Variants in AGBL1 observed in about 807,000 individuals in gnomAD.
The protein encoded by AGBL1 is AGBL carboxypeptidase 1.
In AGBL1, 130 loss-of-function variants were observed where a neutral mutation model predicts 118.9. The observed-to-expected ratio is 1.09, with a 90% CI of 0.95 to 1.26. The LOEUF is 1.26. AGBL1 is among the 50% of genes most tolerant of loss of function. The pLI, the probability that AGBL1 is intolerant of heterozygous loss-of-function variation, is 0.00. For synonymous variants in AGBL1, 555 were observed against 478.9 expected, an observed-to-expected ratio of 1.16 and a Z score of -2.08; for missense variants, 1,584 against 1,298.1, an observed-to-expected ratio of 1.22 and a Z score of -3.38.
chr15:86,100,217 G>A (rs1423152594), intron 1 of AGBL1, among the ~76,000 whole-genome samples: 2 of 152,074 alleles, frequency 1.3e-5, no homozygotes, highest in African/African-American at 4.8e-5. Flanking sequence ...TTTTTATGAT[G>A]CATGTTAGAT....
chr15:86,917,922 A>G (rs1182707466), downstream of AGBL1, among the ~76,000 whole-genome samples: 1 of 152,010 alleles, frequency 6.6e-6, no homozygotes, highest in Non-Finnish European at 1.5e-5. The surrounding 1 kb of genome is among the most constrained non-coding windows in gnomAD (Gnocchi z 4.8). Flanking sequence ...GTGGGATCTC[A>G]TTTCACTCCA....
chr15:86,350,753 C>A (rs1034827038), intron 17 of AGBL1, among the ~76,000 whole-genome samples: 1 of 152,148 alleles, frequency 6.6e-6, no homozygotes, highest in Non-Finnish European at 1.5e-5. Context: ...CTGGAAAACA[C>A]GTCAGGATAT....
chr15:87,005,591 C>G (rs1200708332), intron 24 of AGBL1, among the ~76,000 whole-genome samples: 2 of 152,106 alleles, frequency 1.3e-5, no homozygotes, highest in Admixed American at 1.3e-4. Flanking sequence ...AGCCATTTGT[C>G]TAATCTTTTT....
chr15:86,719,668 A>T (rs957528224), intron 22 of AGBL1, among the ~76,000 whole-genome samples: 2 of 151,316 alleles, frequency 1.3e-5, no homozygotes, highest in Admixed American at 1.3e-4. Flanking sequence ...TTTCCTTTTT[A>T]TCCTCAATTA....
chr15:86,636,917 C>CT (rs2085106853), intron 21 of AGBL1, among the ~76,000 whole-genome samples: 2 of 150,874 alleles, frequency 1.3e-5, no homozygotes, highest in Admixed American at 1.3e-4. Context: ...TCTTGCTGGA[C>CT]TTAAGGTGGA....
chr15:86,668,092 A>G (rs1288721181), intron 21 of AGBL1, among the ~76,000 whole-genome samples: 1 of 152,090 alleles, frequency 6.6e-6, no homozygotes, highest in Non-Finnish European at 1.5e-5. Flanking sequence ...CTGAACTAAC[A>G]ATTCACTCGT....
At chr15:86,727,899 G>T (rs1246616543) in intron 22 of AGBL1, among the ~76,000 whole-genome samples, 2 of 152,200 alleles carry the variant, frequency 1.3e-5, no homozygotes, top group Non-Finnish European at 2.9e-5. Flanking sequence ...AAGAACAGGT[G>T]CAGTTAAGAT....
chr15:86,743,899 T>C (rs1013164853), intron 22 of AGBL1, among the ~76,000 whole-genome samples: 6 of 152,040 alleles, frequency 3.9e-5, no homozygotes, highest in African/African-American at 1.4e-4. Context: ...CTACACACAA[T>C]CTTTATTTTT....
chr15:86,649,625 T>TA (rs1343380208), intron 21 of AGBL1, among the ~76,000 whole-genome samples: 3 of 151,420 alleles, frequency 2.0e-5, no homozygotes, highest in South Asian at 2.1e-4. Context: ...AAATTCTGCA[T>TA]AAGAAAAAAT....
At chr15:86,361,623 T>A (rs2080806868) in intron 17 of AGBL1, among the ~76,000 whole-genome samples, 1 of 152,102 alleles carries the variant, frequency 6.6e-6, no homozygotes, top group Non-Finnish European at 1.5e-5. Context: ...ATATTTAGGT[T>A]CTTTGATGTT....
intron 22 of AGBL1, among the ~76,000 whole-genome samples, chr15:86,891,765 C>T (rs1209840301): frequency 6.6e-6 from 1 of 152,114 alleles, no homozygotes; most frequent in Non-Finnish European, 1.5e-5. Flanking sequence ...GTTAACTTCT[C>T]CTGGTCCCTT....
chr15:86,985,537 T>C (rs563007850), intron 23 of AGBL1, among the ~76,000 whole-genome samples: 8 of 152,340 alleles, frequency 5.3e-5, no homozygotes, highest in African/African-American at 1.7e-4. Flanking sequence ...TAAAACTTCT[T>C]TGGTGATGTG....
intron 24 of AGBL1, among the ~76,000 whole-genome samples, chr15:87,016,317 G>GAATT (rs1289623092): frequency 1.3e-5 from 2 of 152,234 alleles, no homozygotes; most frequent in African/African-American, 4.8e-5. Context: ...ATAGAGACAA[G>GAATT]AATTAAGTGC....
chr15:86,678,525 T>G (rs2085890339), intron 22 of AGBL1, among the ~76,000 whole-genome samples: 1 of 152,130 alleles, frequency 6.6e-6, no homozygotes, highest in Non-Finnish European at 1.5e-5. Flanking sequence ...TAATTTTAAT[T>G]TCTGTGTTAA....
At chr15:86,561,277 T>A (rs1469891692) in intron 21 of AGBL1, among the ~76,000 whole-genome samples, 1 of 152,240 alleles carries the variant, frequency 6.6e-6, no homozygotes, top group African/African-American at 2.4e-5. Context: ...CTTCTAGGGT[T>A]TTTATGGCTT....
chr15:86,286,735 G>GTATGTGTATATATA (rs2079457877), intron 16 of AGBL1, among the ~76,000 whole-genome samples: 3 of 106,292 alleles, frequency 2.8e-5, no homozygotes, highest in African/African-American at 1.2e-4. Flanking sequence ...GTTTGTGTGT[G>GTATGTGTATATATA]TATATATATA....
chr15:86,535,850 A>G (rs535215374), intron 19 of AGBL1, among the ~76,000 whole-genome samples: 19 of 152,358 alleles, frequency 1.2e-4, no homozygotes, highest in Admixed American at 2.6e-4. Context: ...TATTTTATAC[A>G]CATGAATTGT....
chr15:86,696,838 A>G (rs1295544307), intron 22 of AGBL1, among the ~76,000 whole-genome samples: 2 of 151,900 alleles, frequency 1.3e-5, no homozygotes, highest in Non-Finnish European at 2.9e-5. Flanking sequence ...AAAAGATTGT[A>G]TATTTCCTTC....
chr15:86,379,001 C>G (rs987047749), intron 17 of AGBL1, among the ~76,000 whole-genome samples: 1 of 152,002 alleles, frequency 6.6e-6, no homozygotes, highest in East Asian at 1.9e-4. Context: ...CAAACTCCAC[C>G]TCCTTAGGTA....
Sources: gnomAD v4.1 joint callset for allele counts (sites outside exome capture counted in the v4.1 genomes callset) on GRCh38, gnomAD v4.1.1 for gene constraint, Gnocchi (gnomAD v3.1) non-coding constraint, MANE v1.5 for transcripts, NCBI Gene and HGNC (gene_info 2026-07-23, HGNC 2026-07-21) for gene names.